Variants in PON1 observed in about 807,000 individuals in gnomAD.
PON1 encodes the protein paraoxonase 1.
Under a neutral mutation model 39.2 loss-of-function variants are expected in PON1, and 37 were observed. That is an observed-to-expected ratio of 0.94 (90% CI 0.73 to 1.24). PON1 has a LOEUF of 1.24. PON1 is among the 50% of genes most tolerant of loss of function. The pLI, the probability that PON1 is intolerant of heterozygous loss-of-function variation, is 0.00. For missense variants in PON1, 397 were observed against 413.5 expected (o/e 0.96, Z 0.35); for synonymous variants, 148 against 152.2 (o/e 0.97, Z 0.21).
intron 7 of PON1, among the ~76,000 whole-genome samples, chr7:95,302,603 T>C (rs1807460474): frequency 6.6e-6 from 1 of 151,686 alleles, no homozygotes; most frequent in Non-Finnish European, 1.5e-5. Flanking sequence ...AAATCATTTG[T>C]ACCAACATCT....
At chr7:95,305,788 G>A (rs908060095) in intron 7 of PON1, among the ~76,000 whole-genome samples, 1 of 152,088 alleles carries the variant, frequency 6.6e-6, no homozygotes, top group African/African-American at 2.4e-5. Context: ...AATGGTTGGA[G>A]GTAAAGGCAG....
Position 95,324,516 on chromosome 7 carries a change from A to T in PON1, c.-41T>A. ...AAGGGATCGATGGGCGCAGACACCG[A>T]CGGGCTAGGAGGCTCTGCCTGCCTG... On this transcript the variant is annotated 5_prime_UTR_variant, in exon 1 of 9. Transcript: ENST00000222381. 6.3e-7 allele frequency: 1 copy of T among 1,586,054 alleles called. No homozygotes were observed. The highest frequency in any genetic ancestry group is 8.6e-7 in the Non-Finnish European group (1 of 1,156,568).
intron 7 of PON1, among the ~76,000 whole-genome samples, chr7:95,302,944 C>T (rs763901918): frequency 1.3e-5 from 2 of 152,210 alleles, no homozygotes; most frequent in Non-Finnish European, 2.9e-5. Context: ...GATGACTGCA[C>T]AGATTGCTGT....
At position 95,316,081 on chromosome 7, in the gene PON1, C is replaced by T. The variant is rs114366781; in HGVS notation, c.202-591G>A. On this transcript the variant is annotated intron_variant, in intron 3 of 8. Transcript: ENST00000222381. ...AGTCTATCATCTTTGTAAGAGAAAA[C>T]TGGACTAAGTAAATTACAAGGGGTA... Among the ~76,000 whole-genome samples the T allele has an allele frequency of 1.0e-3, 153 of 152,274 alleles. 1 individual carries two copies. Among genetic ancestry groups the T allele is most frequent in the African/African-American group, 3.3e-3 (139 of 41,556 alleles).
rs1187326340 is a variant in PON1, at chr7:95,307,998, A to T, written c.698+13T>A. The T allele has an allele frequency of 6.2e-7, 1 of 1,606,602 alleles. No individual in the cohort carries two copies. Among genetic ancestry groups the T allele is most frequent in the Non-Finnish European group, 8.5e-7 (1 of 1,173,148 alleles). Reference sequence around the variant, plus strand: ...TCTGAGTAAATCCACTACATTTCAGAGAGTTCACATACTTGCCATCGGGTG... The same window carrying T: ...TCTGAGTAAATCCACTACATTTCAGTGAGTTCACATACTTGCCATCGGGTG... On this transcript the variant is annotated intron_variant, in intron 6 of 8. Coordinates refer to ENST00000222381, the MANE Select transcript of PON1 (RefSeq NM_000446.7).
At chr7:95,317,374 G>GA (rs1436616441) in intron 2 of PON1, among the ~76,000 whole-genome samples, 3 of 151,816 alleles carry the variant, frequency 2.0e-5, no homozygotes, top group African/African-American at 7.3e-5. Context: ...TTTATCTAGA[G>GA]AAAAATGAAC....
At chr7:95,315,514 A>G in intron 3 of PON1, 24 bp from the exon 4 acceptor site, 10 of 1,609,360 alleles carry the variant, frequency 6.2e-6, no homozygotes, top group Non-Finnish European at 8.5e-6. Context: ...GAGGAGAAAA[A>G]TCAAGCACAA....
intron 4 of PON1, among the ~76,000 whole-genome samples, chr7:95,312,979 G>A (rs1381315605): frequency 2.6e-5 from 4 of 152,224 alleles, no homozygotes; most frequent in Non-Finnish European, 4.4e-5. Context: ...GAAGATCCAA[G>A]CTTTGCTCAC....
chr7:95,310,980 T>C (rs1325377261), intron 5 of PON1, among the ~76,000 whole-genome samples: 1 of 152,130 alleles, frequency 6.6e-6, no homozygotes, highest in African/African-American at 2.4e-5. Context: ...TTGCATAAAT[T>C]TTGTGCAATC....
At chr7:95,317,745 T>C (rs1807803429) in intron 2 of PON1, among the ~76,000 whole-genome samples, 1 of 152,148 alleles carries the variant, frequency 6.6e-6, no homozygotes. Flanking sequence ...CCTACCGTTT[T>C]ATCTTTGCTG....
At chr7:95,316,060 TATC>T (rs1479163491) in intron 3 of PON1, among the ~76,000 whole-genome samples, 3 of 152,210 alleles carry the variant, frequency 2.0e-5, no homozygotes, top group African/African-American at 7.2e-5. Flanking sequence ...ATGACTAGTC[TATC>T]ATCTTTGTAA....
At chr7:95,317,975 G>T (rs1052133498) in intron 2 of PON1, among the ~76,000 whole-genome samples, 6 of 151,988 alleles carry the variant, frequency 3.9e-5, no homozygotes, top group Non-Finnish European at 7.4e-5. Flanking sequence ...CTAAAAAAAA[G>T]TTACCTTTAT....
At chr7:95,309,198 G>C (rs1478258809) in intron 5 of PON1, among the ~76,000 whole-genome samples, 1 of 151,912 alleles carries the variant, frequency 6.6e-6, no homozygotes, top group Admixed American at 6.6e-5. Context: ...TAAGGGTCAG[G>C]ATCTTAATTT....
intron 5 of PON1, among the ~76,000 whole-genome samples, chr7:95,309,705 G>C (rs1807615187): frequency 6.6e-6 from 1 of 152,044 alleles, no homozygotes; most frequent in Admixed American, 6.5e-5. Flanking sequence ...ACCTTGAAAG[G>C]CTAGAGTAAG....
intron 4 of PON1, among the ~76,000 whole-genome samples, 166 bp downstream of exon 4, chr7:95,315,156 A>C (rs1441738017): frequency 1.3e-5 from 2 of 152,260 alleles, no homozygotes; most frequent in Non-Finnish European, 2.9e-5. Context: ...AAGTGGTTTT[A>C]CTATAAAGTT....
At chr7:95,315,079 G>A (rs910849339) in intron 4 of PON1, among the ~76,000 whole-genome samples, 2 of 152,254 alleles carry the variant, frequency 1.3e-5, no homozygotes, top group East Asian at 3.9e-4. Flanking sequence ...GGGATAATGT[G>A]AATGTTAGTA....
At chr7:95,308,573 C>A (rs1266313825) in intron 5 of PON1, among the ~76,000 whole-genome samples, 6 of 151,636 alleles carry the variant, frequency 4.0e-5, no homozygotes. Flanking sequence ...AGCCAGAAAT[C>A]ATTGTCAGGG....
intron 4 of PON1, among the ~76,000 whole-genome samples, chr7:95,313,234 A>T (rs1807692992): frequency 6.6e-6 from 1 of 152,246 alleles, no homozygotes. Context: ...TACTTCTAGA[A>T]ATGTATCCTA....
intron 1 of PON1, among the ~76,000 whole-genome samples, chr7:95,319,831 A>T (rs1411555220): frequency 6.6e-6 from 1 of 152,240 alleles, no homozygotes; most frequent in Non-Finnish European, 1.5e-5. Context: ...AACACCCAGC[A>T]CATGCACACA....
Sources: gnomAD v4.1 joint callset for allele counts (sites outside exome capture counted in the v4.1 genomes callset) on GRCh38, gnomAD v4.1.1 for gene constraint, MANE v1.5 for transcripts, NCBI Gene and HGNC (gene_info 2026-07-23, HGNC 2026-07-21) for gene names.